Variants in CHM observed in about 807,000 individuals in gnomAD.
CHM encodes the protein rab proteins geranylgeranyltransferase component A 1.
Under a neutral mutation model 49.0 loss-of-function variants are expected in CHM, and 10 were observed. The ratio of observed to expected loss-of-function variants is 0.20; its 90% CI spans 0.13 to 0.35. CHM has a LOEUF of 0.35. CHM is among the 10% of genes least tolerant of loss of function. The probability of loss-of-function intolerance (pLI) is 1.00; values close to 1 mark genes in which losing one functional copy is unlikely to be tolerated. For synonymous variants in CHM, 184 were observed against 167.5 expected, an observed-to-expected ratio of 1.10 and a Z score of -0.76; for missense variants, 455 against 478.4, an observed-to-expected ratio of 0.95 and a Z score of 0.46.
chrX:85,871,447 A>G (rs1266053068), intron 14 of CHM, among the ~76,000 whole-genome samples: 1 of 110,355 alleles, frequency 9.1e-6, no homozygotes, highest in African/African-American at 3.3e-5. Context: ...AGTGACTGAC[A>G]TAATTACAGG....
rs139228701 is a variant in CHM, at chrX:85,957,930, T to C, written c.865A>G (p.Met289Val). The change falls in exon 7 of 15, where the codon ATG becomes GTG. Residue 289 changes from methionine to valine, a missense_variant. Transcript: ENST00000357749. ...ADVFNSKQLT[M>V]VEKRMLMKFL... ...TTCATTAGCATTCGCTTTTCTACCA[T>C]AGTAAGTTGTTTGCTATTAAAGACA... 8.3e-7 allele frequency: 1 copy of C among 1,210,825 alleles called. No homozygotes were observed. The highest frequency in any genetic ancestry group is 2.2e-5 in the Admixed American group (1 of 45,994).
At chrX:86,030,988 T>C (rs1193882105) in intron 1 of CHM, among the ~76,000 whole-genome samples, 2 of 110,846 alleles carry the variant, frequency 1.8e-5, no homozygotes, top group African/African-American at 3.3e-5. Flanking sequence ...CATTTCTCTA[T>C]CCATTCTTCT....
chrX:86,027,329 T>C, intron 2 of CHM, 162 bp downstream of exon 2: 1 of 473,878 alleles, frequency 2.1e-6, no homozygotes, highest in Non-Finnish European at 3.8e-6. Context: ...ATTTCACATA[T>C]TAGTGGTTAA....
chrX:86,008,655 T>TA (rs1307638813), intron 2 of CHM, among the ~76,000 whole-genome samples: 7 of 111,756 alleles, frequency 6.3e-5, no homozygotes, highest in Admixed American at 1.9e-4. Context: ...TTATATGGGC[T>TA]AAAAAAATTT....
chrX:85,932,739 G>C (rs1001600271), intron 8 of CHM, among the ~76,000 whole-genome samples: 15 of 111,444 alleles, frequency 1.3e-4, no homozygotes, highest in Non-Finnish European at 5.6e-5. Context: ...GCTTGTTTTC[G>C]TCTGTATATT....
chrX:86,047,411 C>T, intron 1 of CHM, 73 bp downstream of exon 1: 1 of 986,342 alleles, frequency 1.0e-6, no homozygotes, highest in African/African-American at 1.9e-5. Context: ...TCCCAAAACT[C>T]GCCACTGACA....
intron 2 of CHM, among the ~76,000 whole-genome samples, chrX:86,017,328 C>T (rs779256865): frequency 2.7e-5 from 3 of 111,204 alleles, no homozygotes; most frequent in South Asian, 7.7e-4. Context: ...GGGCCAAGGG[C>T]GGAATGATAT....
Position 85,956,396 on chromosome X carries a change from T to G in CHM, c.941-18A>C, listed in dbSNP as rs1930011155. ...TTCATATCCTATGAAAAGATGAAAT[T>G]TTATCACTTAAAATCAGAACTAAAC... On this transcript the variant is annotated intron_variant, in intron 7 of 14. Transcript: ENST00000357749. The G allele has an allele frequency of 1.7e-6, 2 of 1,196,225 alleles. No individual in the cohort carries two copies. Among genetic ancestry groups the G allele is most frequent in the African/African-American group, 1.8e-5 (1 of 56,660 alleles).
rs1010768011 is a variant in CHM at position 85,933,520 on chromosome X, C to T, written c.1167-22182G>A. ...TTGACCACCACACTATGCCTATATA[C>T]ACTTTGCAGACTTTTATAATACAAG... On this transcript the variant is annotated intron_variant, in intron 8 of 14. Transcript: ENST00000357749. Among the ~76,000 whole-genome samples, 3 of 112,224 alleles carry T rather than the reference C, an allele frequency of 2.7e-5. No homozygotes were observed. The Admixed American group carries it at 2.8e-4, about 11-fold the overall frequency.
At chrX:85,933,763 G>A (rs1928575658) in intron 8 of CHM, among the ~76,000 whole-genome samples, 1 of 111,711 alleles carries the variant, frequency 9.0e-6, no homozygotes, top group South Asian at 3.7e-4. Context: ...CAGCCACACA[G>A]AATCATTTTT....
At chrX:85,902,805 A>T (rs1475604498) in intron 9 of CHM, among the ~76,000 whole-genome samples, 1 of 112,016 alleles carries the variant, frequency 8.9e-6, no homozygotes, top group Non-Finnish European at 1.9e-5. Flanking sequence ...GTCATTAAAC[A>T]TCAATCTCTA....
chrX:85,958,816 T>A (rs1569425569), intron 6 of CHM, 45 bp downstream of exon 6: 1 of 1,208,624 alleles, frequency 8.3e-7, no homozygotes, highest in Non-Finnish European at 1.1e-6. Flanking sequence ...CAAACCATAA[T>A]AACTTAAGCT....
In CHM at chrX:85,957,932, G is replaced by A; in HGVS notation, c.863C>T (p.Thr288Ile). The A allele has an allele frequency of 8.3e-7, 1 of 1,210,684 alleles. No homozygotes were observed. The highest frequency in any genetic ancestry group is 1.1e-6 in the Non-Finnish European group (1 of 894,883). ...RADVFNSKQL[T>I]MVEKRMLMKF... is the part of the protein sequence containing the mutation. The stretch of plus-strand genomic sequence containing the variant: ...CATTAGCATTCGCTTTTCTACCATA[G>A]TAAGTTGTTTGCTATTAAAGACATC... Residue 288 changes from threonine (T) to isoleucine (I), a missense_variant, in exon 7 of 15, where the codon ACT becomes ATT. By Grantham distance (89) the Thr-to-Ile change is moderately conservative. Transcript: ENST00000357749.
intron 7 of CHM, among the ~76,000 whole-genome samples, chrX:85,957,347 C>A (rs1429779494): frequency 9.0e-6 from 1 of 111,264 alleles, no homozygotes; most frequent in Non-Finnish European, 1.9e-5. Flanking sequence ...AGAATAGAAA[C>A]CATGCCTTTT....
chrX:86,034,524 T>C (rs916278367), intron 1 of CHM, among the ~76,000 whole-genome samples: 1 of 111,954 alleles, frequency 8.9e-6, no homozygotes, highest in Non-Finnish European at 1.9e-5. Flanking sequence ...CTCACACCTG[T>C]AATCCCAGCA....
At position 85,888,131 on chromosome X, in the gene CHM, C is replaced by T. The variant is rs916224356; in HGVS notation, c.1510+6057G>A. 8.3e-5 allele frequency among the ~76,000 whole-genome samples: 9 copies of T among 108,269 alleles called. No individual in the cohort carries two copies. In the East Asian group the frequency reaches 2.7e-3, roughly 32 times the overall value. The allele number at this position is 108,269 out of a possible 115,157, so 94.0% of individuals were successfully genotyped here. On this transcript the variant is annotated intron_variant, in intron 12 of 14. Coordinates refer to ENST00000357749, the MANE Select transcript of CHM (RefSeq NM_000390.4). Reference sequence around the variant, plus strand: ...TGTCAAGAGACCTTTGCAGCAGCCCCTCCCATCACATGCCTGGAGGCCTAA... The same window carrying T: ...TGTCAAGAGACCTTTGCAGCAGCCCTTCCCATCACATGCCTGGAGGCCTAA...
rs1015148 is a variant in CHM, at chrX:86,027,411, G to A, written c.116+80C>T. Reference sequence around the variant, plus strand: ...ATACACATACATGTACATACGTACAGACATATATGTGTTTATGTAAATTTT... The same window carrying A: ...ATACACATACATGTACATACGTACAAACATATATGTGTTTATGTAAATTTT... On this transcript the variant is annotated intron_variant, in intron 2 of 14. Coordinates refer to ENST00000357749, the MANE Select transcript of CHM (RefSeq NM_000390.4). The A allele has an allele frequency of 0.3, 233,046 of 778,035 alleles. 24,991 individuals are homozygous for A. The highest frequency in any genetic ancestry group is 0.51 in the East Asian group (15,456 of 30,033). The allele number at this position is 778,035 out of a possible 1,213,427, so 64.1% of individuals were successfully genotyped here.
chrX:85,869,344 C>A (rs1246097096), intron 14 of CHM, among the ~76,000 whole-genome samples: 8 of 110,893 alleles, frequency 7.2e-5, no homozygotes, highest in Admixed American at 3.9e-4. Context: ...ACTACTAATT[C>A]TTTTACTTCT....
intron 2 of CHM, among the ~76,000 whole-genome samples, chrX:85,999,529 T>C (rs1045688469): frequency 2.2e-4 from 25 of 111,956 alleles, no homozygotes; most frequent in African/African-American, 7.8e-4. Context: ...GTTGAGGTCA[T>C]GTAAATGAAC....
Sources: gnomAD v4.1 joint callset for allele counts (sites outside exome capture counted in the v4.1 genomes callset) on GRCh38, gnomAD v4.1.1 for gene constraint, MANE v1.5 for transcripts, NCBI Gene and HGNC (gene_info 2026-07-23, HGNC 2026-07-21) for gene names.